YEATS2: variants seen among roughly 807,000 people sequenced by gnomAD.
YEATS2 encodes the protein YEATS domain-containing protein 2.
In YEATS2, 77 loss-of-function variants were observed where a neutral mutation model predicts 163.2. The ratio of observed to expected loss-of-function variants is 0.47; its 90% confidence interval spans 0.39 to 0.57. The LOEUF is 0.57. Among genes scored for constraint, YEATS2 ranks in the 20% least tolerant of loss-of-function variants. The pLI is 0.00. For synonymous variants in YEATS2, 631 were observed against 645.1 expected, an observed-to-expected ratio of 0.98 and a Z score of 0.33; for missense variants, 1,549 against 1,729.8, an observed-to-expected ratio of 0.90 and a Z score of 1.85.
At chr3:183,806,150 G>A (rs1005306816) in intron 27 of YEATS2, 1 of 376,214 alleles carries the variant, frequency 2.7e-6, no homozygotes, top group South Asian at 2.0e-5. Flanking sequence ...GTCCAGATAA[G>A]GCCATCGTAA....
At chr3:183,760,423 A>G (rs1209504776) in intron 13 of YEATS2, among the ~76,000 whole-genome samples, 1 of 150,410 alleles carries the variant, frequency 6.6e-6, no homozygotes, top group African/African-American at 2.4e-5. Flanking sequence ...CCTGAGTTCA[A>G]GCGATTCTGC....
intron 21 of YEATS2, among the ~76,000 whole-genome samples, chr3:183,796,415 C>T (rs959715940): frequency 1.3e-5 from 2 of 151,104 alleles, no homozygotes; most frequent in African/African-American, 2.4e-5. Context: ...AACAGTTTTA[C>T]GTGGAAATGG....
intron 4 of YEATS2, among the ~76,000 whole-genome samples, 158 bp downstream of exon 4, chr3:183,718,750 G>C (rs963651994): frequency 1.3e-5 from 2 of 152,214 alleles, no homozygotes; most frequent in African/African-American, 4.8e-5. Context: ...CCAGGCTGGA[G>C]TGCAGTGGCA....
rs181151613 is a variant in YEATS2 at position 183,744,902 on chromosome 3, G to A, written c.925-2770G>A. On this transcript the variant is annotated intron_variant, in intron 8 of 30. Coordinates refer to ENST00000305135, the MANE Select transcript of YEATS2 (RefSeq NM_018023.5). ...ATCTCACTCTGTCACCCAGGCTGGA[G>A]TGCAGTGGCGCAGTTTCGGCTCACT... is the stretch of plus-strand genomic sequence containing the variant. 5.2e-3 allele frequency among the ~76,000 whole-genome samples: 791 copies of A among 152,150 alleles called. 5 individuals are homozygous for A. Among genetic ancestry groups the A allele is most frequent in the Non-Finnish European group, 7.9e-3 (538 of 67,994 alleles).
chr3:183,801,434 A>G lies in YEATS2; in HGVS notation c.3429-21A>G, dbSNP rs552023414. 8 of 1,563,856 alleles carry G rather than the reference A, an allele frequency of 5.1e-6. No homozygotes were observed. The African/African-American group carries it at 1.1e-4, about 21-fold the overall frequency. On this transcript the variant is annotated intron_variant, in intron 24 of 30. Transcript: ENST00000305135. ...TACATGTATTTAATTTATTGCCTTAATTTTTTTTTATCTCTCTCAGGATAG... is the reference window on the plus strand; with the variant it reads ...TACATGTATTTAATTTATTGCCTTAGTTTTTTTTTATCTCTCTCAGGATAG...
chr3:183,712,411 A>C (rs1393670750), intron 1 of YEATS2, among the ~76,000 whole-genome samples: 2 of 151,710 alleles, frequency 1.3e-5, no homozygotes, highest in African/African-American at 4.8e-5. Flanking sequence ...AGGTTTCACC[A>C]TGTTGGCCAG....
At chr3:183,751,002 C>T (rs1327926848) in intron 9 of YEATS2, among the ~76,000 whole-genome samples, 1 of 152,142 alleles carries the variant, frequency 6.6e-6, no homozygotes, top group Non-Finnish European at 1.5e-5. Flanking sequence ...CTTTTGGTGT[C>T]GTGTCCAAGA....
chr3:183,803,152 G>A, intron 25 of YEATS2, 104 bp from the exon 26 acceptor site: 1 of 1,189,966 alleles, frequency 8.4e-7, no homozygotes, highest in East Asian at 2.5e-5. Context: ...GAACATACAT[G>A]CGATAAAGAG....
At chr3:183,767,661 G>A (rs1448309239) in intron 15 of YEATS2, among the ~76,000 whole-genome samples, 1 of 152,060 alleles carries the variant, frequency 6.6e-6, no homozygotes. Context: ...GATTACAGGT[G>A]TGAGCCATTG....
intron 14 of YEATS2, 33 bp downstream of exon 14, chr3:183,761,647 C>T: frequency 6.3e-7 from 1 of 1,592,098 alleles, no homozygotes; most frequent in Middle Eastern, 1.7e-4. Flanking sequence ...TCCCACAAGT[C>T]ATAATACTTT....
At chr3:183,737,909 A>G (rs1047392661) in intron 8 of YEATS2, among the ~76,000 whole-genome samples, 1 of 152,208 alleles carries the variant, frequency 6.6e-6, no homozygotes, top group Non-Finnish European at 1.5e-5. Context: ...TCTGTCAGAC[A>G]ACTCTGTGAG....
At chr3:183,755,602 A>G (rs1282184819) in intron 11 of YEATS2, among the ~76,000 whole-genome samples, 4 of 152,086 alleles carry the variant, frequency 2.6e-5, no homozygotes, top group Admixed American at 2.6e-4. Flanking sequence ...GGGAACACGA[A>G]TCTTTCTGGG....
At chr3:183,774,063 A>G (rs539041309) in intron 17 of YEATS2, among the ~76,000 whole-genome samples, 2 of 152,312 alleles carry the variant, frequency 1.3e-5, no homozygotes, top group South Asian at 4.1e-4. Context: ...TACATGAACC[A>G]TGAATGAAGT....
intron 19 of YEATS2, 55 bp downstream of exon 19, chr3:183,777,755 C>A: frequency 6.4e-7 from 1 of 1,555,832 alleles, no homozygotes; most frequent in Non-Finnish European, 8.7e-7. Flanking sequence ...CATTTATTTA[C>A]ATATTTACAT....
At chr3:183,800,445 T>G in intron 23 of YEATS2, 21 bp from the exon 24 acceptor site, 1 of 1,598,606 alleles carries the variant, frequency 6.3e-7, no homozygotes, top group Non-Finnish European at 8.6e-7. Flanking sequence ...CAGCTGCCTC[T>G]TTGTTGCTCT....
rs143473253 is a variant in YEATS2 at position 183,789,525 on chromosome 3, A to ATTTTTTTTTTTTTTTTTTTTTT, written c.2914-1265_2914-1244dup. On this transcript the variant is annotated intron_variant, in intron 20 of 30. Transcript: ENST00000305135. ...TTAGGTTTCAGATTCATTCGAGTTA[A>ATTTTTTTTTTTTTTTTTTTTTT]TTTTTTTTTTTTTTTTTTTTTTTTT... Among the ~76,000 whole-genome samples the ATTTTTTTTTTTTTTTTTTTTTT allele has an allele frequency of 1.5e-4, 10 of 66,314 alleles. 3 individuals are homozygous for ATTTTTTTTTTTTTTTTTTTTTT. The highest frequency in any genetic ancestry group is 5.0e-4 in the Admixed American group (2 of 3,970). 43.5% of individuals were successfully genotyped at this position (66,314 alleles called of 152,430 possible). A position where few individuals can be genotyped will look rare whatever the true frequency, so the allele number is the denominator to read the frequency against.
intron 20 of YEATS2, among the ~76,000 whole-genome samples, chr3:183,787,273 T>C (rs1048054554): frequency 5.3e-5 from 8 of 152,126 alleles, no homozygotes; most frequent in African/African-American, 1.9e-4. Flanking sequence ...CTTTTAACTT[T>C]GTGAGGAACT....
At chr3:183,783,216 G>A (rs1220378458) in intron 19 of YEATS2, among the ~76,000 whole-genome samples, 1 of 152,148 alleles carries the variant, frequency 6.6e-6, no homozygotes, top group African/African-American at 2.4e-5. Context: ...TGAAAATAAT[G>A]ACTTACGATG....
At chr3:183,792,676 C>T (rs1397886861) in intron 21 of YEATS2, among the ~76,000 whole-genome samples, 2 of 152,120 alleles carry the variant, frequency 1.3e-5, no homozygotes, top group African/African-American at 4.8e-5. Flanking sequence ...CGCCCTCATG[C>T]CTGGCTAATT....
Sources: gnomAD v4.1 joint callset for allele counts (sites outside exome capture counted in the v4.1 genomes callset) on GRCh38, gnomAD v4.1.1 for gene constraint, MANE v1.5 for transcripts, NCBI Gene and HGNC (gene_info 2026-07-23, HGNC 2026-07-21) for gene names.